Variants in USH2A observed in about 807,000 individuals in gnomAD.
USH2A encodes Usher syndrome 2A (autosomal recessive, mild).
A neutral mutation model predicts 538.9 loss-of-function variants in USH2A; 443 were observed. The observed-to-expected ratio is 0.82, with a 90% CI of 0.76 to 0.89. The LOEUF is 0.89. Ranked by LOEUF, USH2A falls within the 40% of genes least tolerant of loss-of-function variation. USH2A has a pLI of 0.00. For missense variants in USH2A, 6,633 were observed against 6,324.8 expected (o/e 1.05, Z -1.65); for synonymous variants, 2,413 against 2,273.5 (o/e 1.06, Z -1.75).
At chr1:216,159,569 CACAG>C (rs1239250933) in intron 21 of USH2A, among the ~76,000 whole-genome samples, 4 of 150,046 alleles carry the variant, frequency 2.7e-5, no homozygotes, top group Admixed American at 1.3e-4. Flanking sequence ...CACACACACA[CACAG>C]AGAATATTAG....
chr1:215,720,717 A>AAGGTTGT (rs1200224108), intron 61 of USH2A, among the ~76,000 whole-genome samples: 1 of 152,126 alleles, frequency 6.6e-6, no homozygotes, highest in Non-Finnish European at 1.5e-5. Flanking sequence ...GAGGCAAAAA[A>AAGGTTGT]AGGTTGTAGG....
At chr1:216,215,689 C>T (rs1415828523) in intron 15 of USH2A, among the ~76,000 whole-genome samples, 2 of 152,008 alleles carry the variant, frequency 1.3e-5, no homozygotes, top group Admixed American at 6.6e-5. Context: ...GAAGCAGCAA[C>T]AACCACAAGA....
At chr1:215,777,735 A>G (rs574921904) in intron 55 of USH2A, among the ~76,000 whole-genome samples, 1 of 152,312 alleles carries the variant, frequency 6.6e-6, no homozygotes, top group East Asian at 1.9e-4. Context: ...CTGGCAATTC[A>G]TTTTTGGGAG....
chr1:216,221,648 CA>C (rs1242153988), intron 14 of USH2A, among the ~76,000 whole-genome samples: 5 of 152,186 alleles, frequency 3.3e-5, no homozygotes, highest in African/African-American at 9.7e-5. Flanking sequence ...AAAGCTGGAC[CA>C]GGGGCAGTGA....
At chr1:215,993,615 G>T (rs968464895) in intron 34 of USH2A, among the ~76,000 whole-genome samples, 1 of 152,032 alleles carries the variant, frequency 6.6e-6, no homozygotes, top group Admixed American at 6.6e-5. Flanking sequence ...GACTTCTAGG[G>T]AAGAAAAGAT....
intron 34 of USH2A, among the ~76,000 whole-genome samples, chr1:215,995,132 C>T (rs1162584127): frequency 1.3e-5 from 2 of 152,092 alleles, no homozygotes; most frequent in Non-Finnish European, 2.9e-5. Context: ...AAATTCTATA[C>T]TATACAACAT....
At chr1:216,175,621 C>T (rs2102641426) in intron 20 of USH2A, 139 bp from the exon 21 acceptor site, 1 of 824,662 alleles carries the variant, frequency 1.2e-6, no homozygotes, top group South Asian at 1.6e-5. Context: ...ATCTGTATGG[C>T]TCTAGGAACT....
chr1:215,822,072 T>C (rs1039221297), intron 47 of USH2A, among the ~76,000 whole-genome samples: 1 of 151,894 alleles, frequency 6.6e-6, no homozygotes, highest in Admixed American at 6.6e-5. Flanking sequence ...TCCAGCTTTG[T>C]CTTTTTTTTA....
intron 4 of USH2A, among the ~76,000 whole-genome samples, chr1:216,331,922 A>G (rs1239598678): frequency 2.6e-5 from 4 of 152,138 alleles, no homozygotes; most frequent in African/African-American, 9.7e-5. Context: ...AGAATATCAC[A>G]TCAACTTATT....
At chr1:215,936,732 T>C (rs1374610114) in intron 37 of USH2A, among the ~76,000 whole-genome samples, 1 of 152,080 alleles carries the variant, frequency 6.6e-6, no homozygotes, top group Non-Finnish European at 1.5e-5. Context: ...ACCTATTCTC[T>C]ACCCCTTCCA....
intron 60 of USH2A, among the ~76,000 whole-genome samples, chr1:215,737,864 C>A (rs183882132): frequency 6.6e-6 from 1 of 152,126 alleles, no homozygotes; most frequent in East Asian, 1.9e-4. Context: ...CCTTTCATAT[C>A]ATACAGTCTT....
chr1:215,947,009 T>A (rs1304783613), intron 37 of USH2A, among the ~76,000 whole-genome samples: 4 of 151,912 alleles, frequency 2.6e-5, no homozygotes. Flanking sequence ...AATAATGATA[T>A]TTTAGATAGA....
chr1:216,105,472 T>A (rs2032708623), intron 21 of USH2A, among the ~76,000 whole-genome samples: 1 of 152,096 alleles, frequency 6.6e-6, no homozygotes, highest in African/African-American at 2.4e-5. Context: ...GAAGTCTGAG[T>A]CTATTTCTGA....
intron 37 of USH2A, among the ~76,000 whole-genome samples, chr1:215,946,186 T>C (rs1476389129): frequency 6.6e-6 from 1 of 152,164 alleles, no homozygotes; most frequent in Non-Finnish European, 1.5e-5. Flanking sequence ...AGATCCAAAC[T>C]ATTACAGAAT....
intron 42 of USH2A, 148 bp downstream of exon 42, chr1:215,878,616 A>G: frequency 1.3e-6 from 1 of 766,716 alleles, no homozygotes. Context: ...AGTGTACAGT[A>G]TGATAGTGTA....
chr1:216,327,506 G>A, intron 5 of USH2A, 85 bp downstream of exon 5: 1 of 1,478,652 alleles, frequency 6.8e-7, no homozygotes, highest in Non-Finnish European at 9.4e-7. Context: ...ATAAAAAATG[G>A]TATAATCTAC....
rs1657801147 is a variant in USH2A at position 215,671,127 on chromosome 1, G to A, written c.13978C>T (p.Pro4660Ser). The change falls in exon 64 of 72, where the codon CCG (proline) becomes TCG (serine). Residue 4660 changes from proline to serine, a missense_variant. Physicochemically the swap from Pro to Ser is moderately conservative, Grantham distance 74. Transcript: ENST00000307340. The part of the protein sequence containing the change: ...QPTVSLLWTG[P>S]LQPNGKVLYY... ...AAAACTTTTCCATTTGGCTGCAGCGGTCCTGTCCACAAAAGAGAAACAGTT... is the reference window on the plus strand; with the variant it reads ...AAAACTTTTCCATTTGGCTGCAGCGATCCTGTCCACAAAAGAGAAACAGTT... The A allele has an allele frequency of 1.2e-6, 2 of 1,614,086 alleles. No homozygotes were observed. Among genetic ancestry groups the A allele is most frequent in the South Asian group, 2.2e-5 (2 of 91,068 alleles).
chr1:216,180,841 T>C (rs1007570288), intron 20 of USH2A, among the ~76,000 whole-genome samples: 3 of 152,220 alleles, frequency 2.0e-5, no homozygotes, highest in Middle Eastern at 3.4e-3. Flanking sequence ...TGCCAGGAAA[T>C]ACAATTTGCC....
chr1:216,328,112 G>A (rs1249083305), intron 4 of USH2A, among the ~76,000 whole-genome samples: 1 of 152,032 alleles, frequency 6.6e-6, no homozygotes, highest in Non-Finnish European at 1.5e-5. Context: ...ATCTGTTTGG[G>A]TTCTCTCTAA....
Sources: gnomAD v4.1 joint callset for allele counts (sites outside exome capture counted in the v4.1 genomes callset) on GRCh38, gnomAD v4.1.1 for gene constraint, MANE v1.5 for transcripts, NCBI Gene and HGNC (gene_info 2026-07-23, HGNC 2026-07-21) for gene names.